The following TBL1X variants were observed in gnomAD, a reference collection of about 807,000 sequenced individuals.
The protein encoded by TBL1X is F-box-like/WD repeat-containing protein TBL1X.
TBL1X carries 10 observed loss-of-function variants against 50.7 expected under a neutral mutation model. The observed-to-expected ratio is 0.20, with a 90% CI of 0.12 to 0.33. The LOEUF is 0.33. Ranked by LOEUF, TBL1X falls within the 10% of genes least tolerant of loss-of-function variation. The pLI is 1.00. For synonymous variants in TBL1X, 190 were observed against 214.7 expected (o/e 0.88, Z 1.01); for missense variants, 340 against 504.4 (o/e 0.67, Z 3.12).
chrX:9,533,567 G>T (rs1601738754), intron 2 of TBL1X, among the ~76,000 whole-genome samples: 1 of 111,663 alleles, frequency 9.0e-6, no homozygotes, highest in African/African-American at 3.2e-5. Flanking sequence ...AAATGCTCCT[G>T]AGACATTCCC....
intron 2 of TBL1X, among the ~76,000 whole-genome samples, chrX:9,638,154 A>G (rs757616014): frequency 1.8e-5 from 2 of 111,564 alleles, no homozygotes; most frequent in Non-Finnish European, 3.8e-5. Context: ...TTCAATGTGG[A>G]GGGACTGTCA....
At chrX:9,691,391 G>A (rs1446375659) in intron 7 of TBL1X, among the ~76,000 whole-genome samples, 188 bp from the exon 8 acceptor site, 2 of 102,414 alleles carry the variant, frequency 2.0e-5, no homozygotes, top group African/African-American at 3.7e-5. Context: ...AGCCGAGGTC[G>A]TGCCACTGCA....
At chrX:9,487,568 C>T (rs1456390488) in intron 1 of TBL1X, among the ~76,000 whole-genome samples, 1 of 112,213 alleles carries the variant, frequency 8.9e-6, no homozygotes, top group African/African-American at 3.2e-5. Context: ...GGCTGCTCCT[C>T]CCTCCAATTA....
chrX:9,599,380 T>C lies in TBL1X; in HGVS notation c.-130-40893T>C, dbSNP rs773011866. Among the ~76,000 whole-genome samples the C allele has an allele frequency of 6.2e-5, 7 of 112,387 alleles. No homozygotes were observed. The South Asian group carries it at 2.6e-3, about 42-fold the overall frequency. ...GGTGTTAGGGCTTCAACATACGCCTTGGGATGGGCAGTCTTGAATCCATAA... is the reference window on the plus strand; with the variant it reads ...GGTGTTAGGGCTTCAACATACGCCTCGGGATGGGCAGTCTTGAATCCATAA... On this transcript the variant is annotated intron_variant, in intron 2 of 17. Transcript: ENST00000645353.
intron 5 of TBL1X, among the ~76,000 whole-genome samples, chrX:9,662,988 A>T (rs183620107): frequency 9.0e-6 from 1 of 111,370 alleles, no homozygotes; most frequent in African/African-American, 3.3e-5. Context: ...GGTTAGCATG[A>T]TATATTTTAT....
chrX:9,531,184 C>G (rs1051477721), intron 2 of TBL1X: 3 of 110,463 alleles, frequency 2.7e-5, no homozygotes, highest in Non-Finnish European at 5.7e-5. Flanking sequence ...TTCCCTAACA[C>G]GAATTTAAGA....
intron 2 of TBL1X, among the ~76,000 whole-genome samples, chrX:9,526,306 A>T (rs1287519764): frequency 9.0e-6 from 1 of 111,492 alleles, no homozygotes. Context: ...AAGTAGATAA[A>T]ATTTGCCTGT....
chrX:9,483,448 A>G (rs758000123), intron 1 of TBL1X, among the ~76,000 whole-genome samples: 55 of 100,841 alleles, frequency 5.5e-4, no homozygotes, highest in African/African-American at 1.9e-3. Flanking sequence ...GTGTAGATGG[A>G]GAAACCCTGA....
rs57905343 is a variant in TBL1X, at chrX:9,531,354, G to GGTGTGTGTGTGTGTGTGTGT, written c.-131+29534_-131+29553dup. Among the ~76,000 whole-genome samples the GGTGTGTGTGTGTGTGTGTGT allele has an allele frequency of 4.0e-4, 30 of 75,203 alleles. 1 individual carries two copies. The highest frequency in any genetic ancestry group is 8.8e-4 in the South Asian group (1 of 1,141). 65.3% of individuals were successfully genotyped at this position (75,203 alleles called of 115,157 possible). ...ACTTTTTTGAACTAAGAACCTGGAG[G>GGTGTGTGTGTGTGTGTGTGT]GTGTGTGTGTGTGTGTGTGTGTGTG... On this transcript the variant is annotated intron_variant, in intron 2 of 17. Coordinates refer to ENST00000645353, the MANE Select transcript of TBL1X (RefSeq NM_005647.4).
At chrX:9,644,052 C>G (rs1462221014) in intron 3 of TBL1X, among the ~76,000 whole-genome samples, 3 of 112,010 alleles carry the variant, frequency 2.7e-5, no homozygotes, top group African/African-American at 9.7e-5. Flanking sequence ...AGAGACTCAT[C>G]ATGGTCAAAT....
At chrX:9,679,084 TG>T in intron 5 of TBL1X, among the ~76,000 whole-genome samples, 1 of 108,199 alleles carries the variant, frequency 9.2e-6, no homozygotes, top group East Asian at 2.9e-4. Context: ...TCTGTTACTG[TG>T]TGTTATGTTA....
intron 2 of TBL1X, among the ~76,000 whole-genome samples, chrX:9,503,343 C>T (rs553008417): frequency 4.4e-5 from 5 of 113,097 alleles, no homozygotes; most frequent in Middle Eastern, 4.6e-3. Flanking sequence ...GCCACCAGGG[C>T]CTCGTGTCCC....
chrX:9,464,953 GCGCAGGGGCGGGGCCGGGTGGTA>G (rs967592311), upstream of TBL1X: 5 of 109,464 alleles, frequency 4.6e-5, no homozygotes, highest in African/African-American at 1.7e-4. Context: ...CTCCCCCGGG[GCGCAGGGGCGGGGCCGGGTGGTA>G]CGCCGGGTCC....
At chrX:9,600,493 C>T (rs1055051036) in intron 2 of TBL1X, among the ~76,000 whole-genome samples, 3 of 100,963 alleles carry the variant, frequency 3.0e-5, no homozygotes, top group Admixed American at 2.1e-4. Flanking sequence ...CACAAATGTC[C>T]GGACCATAGA....
At chrX:9,660,431 G>A (rs1428378310) in intron 5 of TBL1X, among the ~76,000 whole-genome samples, 2 of 112,082 alleles carry the variant, frequency 1.8e-5, no homozygotes, top group African/African-American at 3.2e-5. Context: ...CTACTAAAAG[G>A]AGCTTGTCAC....
chrX:9,654,246 G>A lies in TBL1X; in HGVS notation c.135G>A (p.Ser45=), dbSNP rs771607809. 2.5e-6 allele frequency: 3 copies of A among 1,207,885 alleles called. No individual in the cohort carries two copies. Among genetic ancestry groups the A allele is most frequent in the South Asian group, 1.8e-5 (1 of 56,646 alleles). The change falls in exon 5 of 18, where the codon TCG becomes TCA. Residue 45 remains serine (S), a synonymous_variant. Coordinates refer to ENST00000645353, the MANE Select transcript of TBL1X (RefSeq NM_005647.4). ...GTTCCCACTTCATCAACACCTCATC[G>A]CCGCGAGGTGAGGCTAAGATGAGCA... ...EGGSHFINTS[S]PRGEAKMSIT...
intron 2 of TBL1X, among the ~76,000 whole-genome samples, chrX:9,552,249 G>T (rs960089049): frequency 8.9e-6 from 1 of 111,799 alleles, no homozygotes; most frequent in Admixed American, 9.5e-5. Context: ...TGTTTTGTGC[G>T]GTCAAAGGGC....
chrX:9,479,720 T>C (rs2081869215), intron 1 of TBL1X, among the ~76,000 whole-genome samples: 1 of 111,775 alleles, frequency 8.9e-6, no homozygotes, highest in Admixed American at 9.5e-5. Flanking sequence ...CTTACAGCCA[T>C]TAGATTCTAG....
intron 2 of TBL1X, among the ~76,000 whole-genome samples, chrX:9,562,606 A>G (rs1005573905): frequency 8.9e-6 from 1 of 112,212 alleles, no homozygotes; most frequent in African/African-American, 3.2e-5. Context: ...TCCATATTTT[A>G]TAGGAACTAA....
Sources: gnomAD v4.1 joint callset for allele counts (sites outside exome capture counted in the v4.1 genomes callset) on GRCh38, gnomAD v4.1.1 for gene constraint, MANE v1.5 for transcripts, NCBI Gene and HGNC (gene_info 2026-07-23, HGNC 2026-07-21) for gene names.